KDM4C: variants seen among roughly 807,000 people sequenced by gnomAD.
KDM4C encodes the protein lysine demethylase 4C.
Under a neutral mutation model 129.3 loss-of-function variants are expected in KDM4C, and 81 were observed. The observed-to-expected ratio is 0.63, with a 90% CI of 0.52 to 0.75. The LOEUF (loss-of-function observed/expected upper bound fraction) is 0.75. Ranked by LOEUF, KDM4C falls within the 30% of genes least tolerant of loss-of-function variation. KDM4C has a pLI of 0.00. For synonymous variants in KDM4C, 573 were observed against 456.1 expected (o/e 1.26, Z -3.26); for missense variants, 1,457 against 1,304.0 (o/e 1.12, Z -1.81).
chr9:6,949,207 G>A (rs1589261880), intron 8 of KDM4C, among the ~76,000 whole-genome samples: 2 of 150,942 alleles, frequency 1.3e-5, no homozygotes, highest in South Asian at 4.2e-4. Flanking sequence ...TCACTTCTCA[G>A]ACGGGGCGGC....
chr9:6,970,809 CCCCA>C (rs1319429709), intron 8 of KDM4C, among the ~76,000 whole-genome samples: 1 of 133,786 alleles, frequency 7.5e-6, no homozygotes, highest in African/African-American at 2.7e-5. Context: ...CGCCCCTAAC[CCCCA>C]CCCCGGTCTC....
intron 8 of KDM4C, among the ~76,000 whole-genome samples, chr9:6,965,481 G>A (rs1406781708): frequency 6.6e-6 from 1 of 152,148 alleles, no homozygotes; most frequent in African/African-American, 2.4e-5. Flanking sequence ...GGATATGTGT[G>A]TGTGTATATA....
chr9:6,985,644 G>A (rs763725576), intron 10 of KDM4C, among the ~76,000 whole-genome samples: 26 of 152,132 alleles, frequency 1.7e-4, no homozygotes, highest in Non-Finnish European at 3.7e-4. Flanking sequence ...GCAGAATAGA[G>A]AGTTAGGCAA....
intron 12 of KDM4C, among the ~76,000 whole-genome samples, chr9:7,000,324 A>G (rs1820503049): frequency 1.3e-5 from 2 of 152,168 alleles, no homozygotes. Context: ...TTTATAATTT[A>G]TGTGATGCTG....
At chr9:7,150,416 CTT>C (rs1842623716) in intron 19 of KDM4C, among the ~76,000 whole-genome samples, 5 of 152,228 alleles carry the variant, frequency 3.3e-5, no homozygotes, top group Non-Finnish European at 7.3e-5. Flanking sequence ...GTTCCCACCT[CTT>C]TGCCTAACTA....
At chr9:6,815,741 C>G (rs1433167376) in intron 4 of KDM4C, among the ~76,000 whole-genome samples, 1 of 152,108 alleles carries the variant, frequency 6.6e-6, no homozygotes. Context: ...GATGCTCAAC[C>G]TGTAAGTATA....
chr9:6,771,374 C>T (rs539090340), intron 1 of KDM4C, among the ~76,000 whole-genome samples: 97 of 152,114 alleles, frequency 6.4e-4, no homozygotes, highest in Non-Finnish European at 1.1e-3. Flanking sequence ...TGCAATGTTA[C>T]GATCTCAGCC....
At position 7,174,648 on chromosome 9, in the gene KDM4C, T is replaced by C. The variant is rs1421390167; in HGVS notation, c.3090T>C (p.Phe1030=). ...RKRQRVLSSR[F]KNEYVADPVY... ...GACAAAGAGTGCTGAGCTCCAGGTT[T>C]AAGAATGAATATGTGGCCGACCCTG... The change falls in exon 22 of 22, where the codon TTT becomes TTC. Residue 1030 remains phenylalanine (F), a synonymous_variant. Coordinates refer to ENST00000381309, the MANE Select transcript of KDM4C (RefSeq NM_015061.6). 6.2e-7 allele frequency: 1 copy of C among 1,614,118 alleles called. No individual in the cohort carries two copies. Among genetic ancestry groups the C allele is most frequent in the South Asian group, 1.1e-5 (1 of 91,082 alleles).
intron 15 of KDM4C, among the ~76,000 whole-genome samples, chr9:7,024,151 T>C (rs554683320): frequency 6.6e-6 from 1 of 152,280 alleles, no homozygotes; most frequent in Non-Finnish European, 1.5e-5. Flanking sequence ...GTCGATTTGG[T>C]CTGTAGTGTA....
intron 17 of KDM4C, among the ~76,000 whole-genome samples, chr9:7,073,337 G>A (rs894518988): frequency 2.7e-4 from 41 of 152,166 alleles, no homozygotes; most frequent in African/African-American, 9.9e-4. Flanking sequence ...TTAGCACAAT[G>A]GTTGGCACTG....
intron 5 of KDM4C, among the ~76,000 whole-genome samples, chr9:6,855,884 GTTCA>G (rs1228700297): frequency 6.6e-6 from 1 of 152,032 alleles, no homozygotes; most frequent in African/African-American, 2.4e-5. Flanking sequence ...TCATTCATTC[GTTCA>G]TTCATTTATT....
At chr9:7,156,839 C>CT (rs1338099494) in intron 19 of KDM4C, among the ~76,000 whole-genome samples, 2 of 151,930 alleles carry the variant, frequency 1.3e-5, no homozygotes, top group Non-Finnish European at 2.9e-5. Context: ...AATGTGGGTT[C>CT]TTTTTTGGTT....
rs116417779 is a variant in KDM4C, at chr9:6,805,926, T to C, written c.320+152T>C. On this transcript the variant is annotated intron_variant, in intron 3 of 21. Coordinates refer to ENST00000381309, the MANE Select transcript of KDM4C (RefSeq NM_015061.6). ...TTGAACTGTTTCTGTTTTCTGTTCTTTAGGTGGTTGCTGAACATTTGACTT... is the reference window on the plus strand; with the variant it reads ...TTGAACTGTTTCTGTTTTCTGTTCTCTAGGTGGTTGCTGAACATTTGACTT... 1,348 of 632,678 alleles carry C rather than the reference T, an allele frequency of 2.1e-3. 17 individuals carry two copies. The African/African-American group carries it at 0.023, about 11-fold the overall frequency. 39.2% of individuals were successfully genotyped at this position (632,678 alleles called of 1,614,324 possible).
At chr9:6,891,437 A>T (rs1212589066) in intron 7 of KDM4C, among the ~76,000 whole-genome samples, 2 of 152,230 alleles carry the variant, frequency 1.3e-5, no homozygotes, top group Admixed American at 1.3e-4. Context: ...GATTCTATTA[A>T]TATTAAATAT....
intron 8 of KDM4C, among the ~76,000 whole-genome samples, chr9:6,939,755 G>A (rs1825503413): frequency 6.6e-6 from 1 of 152,180 alleles, no homozygotes; most frequent in African/African-American, 2.4e-5. Context: ...AAACACTTTG[G>A]TAAGGATACA....
chr9:6,785,909 T>TC lies in KDM4C; in HGVS notation c.-17-7061dup, dbSNP rs564885228. Among the ~76,000 whole-genome samples the TC allele has an allele frequency of 3.5e-3, 531 of 152,304 alleles. 3 individuals carry two copies. The highest frequency in any genetic ancestry group is 0.012 in the African/African-American group (507 of 41,580). On this transcript the variant is annotated intron_variant, in intron 1 of 21. Coordinates refer to ENST00000381309, the MANE Select transcript of KDM4C (RefSeq NM_015061.6). ...GAGTGTTGGGATTGAAAGGCCAGAC[T>TC]CCATCACCTCAGGTAGGGCCCAGAA...
rs536712110 is a variant in KDM4C at position 7,110,437 on chromosome 9, C to G, written c.2610+6567C>G. 2.0e-5 allele frequency among the ~76,000 whole-genome samples: 3 copies of G among 152,206 alleles called. No homozygotes were observed. In the East Asian group the frequency reaches 5.8e-4, roughly 29 times the overall value. On this transcript the variant is annotated intron_variant, in intron 18 of 21. Coordinates refer to ENST00000381309, the MANE Select transcript of KDM4C (RefSeq NM_015061.6). ...TAAATTTATTTTTATATTGTTCTAACTTGAGGGCTTATTAATGCAATTTCT... is the reference window on the plus strand; with the variant it reads ...TAAATTTATTTTTATATTGTTCTAAGTTGAGGGCTTATTAATGCAATTTCT...
At chr9:6,880,936 T>C (rs1588901190) in intron 6 of KDM4C, among the ~76,000 whole-genome samples, 1 of 152,208 alleles carries the variant, frequency 6.6e-6, no homozygotes, top group Non-Finnish European at 1.5e-5. Context: ...TAGTGACTTA[T>C]TTCCAGGGAA....
chr9:6,758,082 C>G lies in KDM4C; in HGVS notation c.-139C>G, dbSNP rs1284449813. On this transcript the variant is annotated 5_prime_UTR_variant, in exon 1 of 22. Coordinates refer to ENST00000381309, the MANE Select transcript of KDM4C (RefSeq NM_015061.6). This position sits in a 1 kb window ranked among gnomAD's most constrained non-coding sequence, Gnocchi z 4.6. ...GCCGGGGTCCTGTGCGCGTGCGCAG[C>G]GAACAGCTGTCACCTAGTGCGGAAC... is the stretch of plus-strand genomic sequence containing the variant. 1.0e-6 allele frequency: 1 copy of G among 985,392 alleles called. No homozygotes were observed. The highest frequency in any genetic ancestry group is 1.7e-5 in the African/African-American group (1 of 57,244). 61.0% of individuals were successfully genotyped at this position (985,392 alleles called of 1,614,324 possible). A position where few individuals can be genotyped will look rare whatever the true frequency, so the allele number is the denominator to read the frequency against.
Sources: gnomAD v4.1 joint callset for allele counts (sites outside exome capture counted in the v4.1 genomes callset) on GRCh38, gnomAD v4.1.1 for gene constraint, Gnocchi (gnomAD v3.1) non-coding constraint, MANE v1.5 for transcripts, NCBI Gene and HGNC (gene_info 2026-07-23, HGNC 2026-07-21) for gene names.